SIPA1L1: variants seen among roughly 807,000 people sequenced by gnomAD.
SIPA1L1 encodes signal-induced proliferation-associated 1-like protein 1.
SIPA1L1 carries 26 observed loss-of-function variants against 162.7 expected under a neutral mutation model. That is an observed-to-expected ratio of 0.16 (90% CI 0.12 to 0.22). The LOEUF (loss-of-function observed/expected upper bound fraction) is 0.22, where lower values mean the gene tolerates loss of function less well. Ranked by LOEUF, SIPA1L1 falls within the 10% of genes least tolerant of loss-of-function variation. The probability of loss-of-function intolerance (pLI) is 1.00; values close to 1 mark genes in which losing one functional copy is unlikely to be tolerated. For synonymous variants in SIPA1L1, 829 were observed against 837.4 expected, an observed-to-expected ratio of 0.99 and a Z score of 0.17; for missense variants, 1,874 against 2,241.0, an observed-to-expected ratio of 0.84 and a Z score of 3.31.
chr14:71,469,442 C>T (rs2047276172), intron 2 of SIPA1L1, among the ~76,000 whole-genome samples: 2 of 152,130 alleles, frequency 1.3e-5, no homozygotes, highest in South Asian at 2.1e-4. Context: ...CATTATGACC[C>T]TCCTAGAGGT....
In SIPA1L1 at chr14:71,671,511, A is replaced by G. The variant is rs746192347; in HGVS notation, c.2648A>G (p.Glu883Gly). 1.9e-6 allele frequency: 3 copies of G among 1,614,208 alleles called. No individual in the cohort carries two copies. Among genetic ancestry groups the G allele is most frequent in the Admixed American group, 1.7e-5 (1 of 60,030 alleles). The change falls in exon 11 of 24, where the codon GAG becomes GGG. Residue 883 changes from glutamate to glycine, a missense_variant. This residue lies in a region of SIPA1L1 where 243 missense variants were observed against 315.0 expected (regional missense o/e 0.77). Coordinates refer to ENST00000381232, the MANE Select transcript of SIPA1L1 (RefSeq NM_001386936.1). Reference sequence around the variant, plus strand: ...GACTGCCTTTTAGGGATCTCCAATGAGTTCATTGTGCTCATTGAACAGGAA... The same window carrying G: ...GACTGCCTTTTAGGGATCTCCAATGGGTTCATTGTGCTCATTGAACAGGAA... Reference protein sequence around the residue: ...ELDCLLGISNEFIVLIEQETK... With the variant: ...ELDCLLGISNGFIVLIEQETK...
intron 2 of SIPA1L1, among the ~76,000 whole-genome samples, chr14:71,349,524 C>A (rs1442065918): frequency 2.6e-5 from 4 of 152,034 alleles, no homozygotes; most frequent in African/African-American, 4.8e-5. Flanking sequence ...CATTTGTTTT[C>A]CCTAAAGAAA....
chr14:71,650,118 A>T (rs561120703), intron 7 of SIPA1L1, among the ~76,000 whole-genome samples: 1 of 152,256 alleles, frequency 6.6e-6, no homozygotes, highest in Non-Finnish European at 1.5e-5. Context: ...CATACAGGAA[A>T]TTTTCATTTA....
At chr14:71,559,832 CTTT>C (rs34522690) in intron 4 of SIPA1L1, among the ~76,000 whole-genome samples, 1 of 148,406 alleles carries the variant, frequency 6.7e-6, no homozygotes, top group Non-Finnish European at 1.5e-5. Flanking sequence ...ATTATATAAA[CTTT>C]TTTTTTTTTG....
At chr14:71,339,787 T>C (rs573322310) in intron 2 of SIPA1L1, among the ~76,000 whole-genome samples, 1 of 152,354 alleles carries the variant, frequency 6.6e-6, no homozygotes, top group Non-Finnish European at 1.5e-5. Context: ...TCAGCTATCA[T>C]TTATTGAGTA....
At chr14:71,531,849 T>G (rs1027306985) in intron 4 of SIPA1L1, among the ~76,000 whole-genome samples, 1 of 152,210 alleles carries the variant, frequency 6.6e-6, no homozygotes, top group African/African-American at 2.4e-5. Context: ...TTCAAAAAAC[T>G]AATTCCCTTA....
intron 4 of SIPA1L1, among the ~76,000 whole-genome samples, chr14:71,577,570 G>C (rs929625481): frequency 1.3e-5 from 2 of 151,830 alleles, no homozygotes; most frequent in African/African-American, 4.8e-5. Flanking sequence ...GTAGAGGTGG[G>C]GTTTCACCAT....
rs978046058 is a variant in SIPA1L1, at chr14:71,401,863, GA to G, written c.-465+80688del. Among the ~76,000 whole-genome samples the G allele has an allele frequency of 9.2e-5, 14 of 151,914 alleles. No individual in the cohort carries two copies. In the East Asian group the frequency reaches 9.6e-4, roughly 10 times the overall value. The stretch of plus-strand genomic sequence containing the variant: ...TTGTGTGTTTTTCCAGTTTTTTTCT[GA>G]AAAAATATAAAATATGCATTTTAAC... On this transcript the variant is annotated intron_variant, in intron 2 of 23. Coordinates refer to ENST00000381232, the MANE Select transcript of SIPA1L1 (RefSeq NM_001386936.1).
intron 17 of SIPA1L1, among the ~76,000 whole-genome samples, chr14:71,722,656 T>G (rs1347611481): frequency 1.3e-5 from 2 of 152,232 alleles, no homozygotes; most frequent in Non-Finnish European, 2.9e-5. Flanking sequence ...TCCCTTATTT[T>G]GAAAATCTTG....
intron 4 of SIPA1L1, among the ~76,000 whole-genome samples, chr14:71,580,952 T>G (rs750072244): frequency 7.2e-5 from 11 of 152,200 alleles, no homozygotes; most frequent in Non-Finnish European, 1.6e-4. Context: ...GTGAACTAAC[T>G]TTGCCCTTTT....
chr14:71,630,820 A>G (rs1224260342), intron 7 of SIPA1L1, among the ~76,000 whole-genome samples: 1 of 151,888 alleles, frequency 6.6e-6, no homozygotes, highest in African/African-American at 2.4e-5. Context: ...TTATGCAGAT[A>G]CCACCAAATA....
chr14:71,624,564 A>G (rs1463204554), intron 7 of SIPA1L1, among the ~76,000 whole-genome samples: 4 of 152,222 alleles, frequency 2.6e-5, no homozygotes, highest in African/African-American at 9.7e-5. Context: ...GTTAATGACA[A>G]TACAGTAATA....
chr14:71,482,812 T>C (rs1310017709), intron 2 of SIPA1L1, among the ~76,000 whole-genome samples: 1 of 152,168 alleles, frequency 6.6e-6, no homozygotes, highest in Admixed American at 6.5e-5. Flanking sequence ...AGTTGGTAGA[T>C]TTTATACTTC....
chr14:71,715,646 T>C (rs1430693275), intron 17 of SIPA1L1, among the ~76,000 whole-genome samples: 1 of 152,276 alleles, frequency 6.6e-6, no homozygotes, highest in Non-Finnish European at 1.5e-5. Context: ...TATTGCAAAC[T>C]GTAAATGTCA....
At position 71,661,557 on chromosome 14, in the gene SIPA1L1, T is replaced by C. The variant is rs2043513365; in HGVS notation, c.2255+90T>C. 10 of 1,355,012 alleles carry C rather than the reference T, an allele frequency of 7.4e-6. No homozygotes were observed. The East Asian group carries it at 1.7e-4, about 22-fold the overall frequency. 83.9% of individuals were successfully genotyped at this position (1,355,012 alleles called of 1,614,324 possible). On this transcript the variant is annotated intron_variant, in intron 10 of 23. Coordinates refer to ENST00000381232, the MANE Select transcript of SIPA1L1 (RefSeq NM_001386936.1). ...TCAGCTCTGCATTCTAAAGTGGCAA[T>C]GGGAAGTCTATTACTATTTCTTTTT... is the stretch of plus-strand genomic sequence containing the variant.
intron 7 of SIPA1L1, among the ~76,000 whole-genome samples, chr14:71,628,851 G>A (rs1196437663): frequency 6.6e-6 from 1 of 152,190 alleles, no homozygotes; most frequent in Non-Finnish European, 1.5e-5. Flanking sequence ...ACGAGACTCG[G>A]AAGGACAGAA....
chr14:71,705,173 C>A, intron 15 of SIPA1L1, 49 bp from the exon 16 acceptor site: 2 of 1,308,600 alleles, frequency 1.5e-6, no homozygotes, highest in Non-Finnish European at 1.1e-6. Flanking sequence ...TCACCATGTG[C>A]TTGTTTCTGC....
intron 20 of SIPA1L1, among the ~76,000 whole-genome samples, chr14:71,731,908 G>C (rs2084825147): frequency 6.6e-6 from 1 of 152,208 alleles, no homozygotes; most frequent in Non-Finnish European, 1.5e-5. Flanking sequence ...CCTCAGCCCT[G>C]CCTTGCTTGG....
At chr14:71,502,741 A>G (rs1455204921) in intron 2 of SIPA1L1, among the ~76,000 whole-genome samples, 1 of 152,122 alleles carries the variant, frequency 6.6e-6, no homozygotes, top group Non-Finnish European at 1.5e-5. Context: ...TTATGGTTTA[A>G]TATACTTCTC....
Sources: allele counts gnomAD v4.1 joint callset (sites outside exome capture counted in the v4.1 genomes callset), GRCh38; gene constraint gnomAD v4.1.1; regional missense constraint gnomAD v4.1.1; transcripts MANE v1.5; gene names NCBI Gene and HGNC (gene_info 2026-07-23, HGNC 2026-07-21).